The following PLEKHS1 variants were observed in gnomAD, a reference collection of about 807,000 sequenced individuals.
PLEKHS1 encodes the protein pleckstrin homology domain-containing family S member 1.
A neutral mutation model predicts 51.0 loss-of-function variants in PLEKHS1; 55 were observed. That is an observed-to-expected ratio of 1.08 (90% CI 0.87 to 1.35). The LOEUF (loss-of-function observed/expected upper bound fraction) is 1.35. Ranked by LOEUF, PLEKHS1 falls within the 40% of genes most tolerant of loss-of-function variation. The pLI, the probability that PLEKHS1 is intolerant of heterozygous loss-of-function variation, is 0.00. For missense variants in PLEKHS1, 398 were observed against 423.0 expected (o/e 0.94, Z 0.52); for synonymous variants, 153 against 144.8 (o/e 1.06, Z -0.41).
chr10:113,763,172 C>A (rs1844019566), intron 2 of PLEKHS1, among the ~76,000 whole-genome samples: 1 of 152,064 alleles, frequency 6.6e-6, no homozygotes, highest in African/African-American at 2.4e-5. Flanking sequence ...AGGATTAATT[C>A]ATCCCTTTAT....
At chr10:113,756,919 T>TA (rs1194183125) in intron 2 of PLEKHS1, among the ~76,000 whole-genome samples, 2 of 146,850 alleles carry the variant, frequency 1.4e-5, no homozygotes, top group Non-Finnish European at 3.0e-5. Flanking sequence ...TGGTCTTTTT[T>TA]TTTTTTTTTT....
chr10:113,783,242 A>AAC (rs1844905243), downstream of PLEKHS1: 1 of 130,458 alleles, frequency 7.7e-6, no homozygotes, highest in African/African-American at 2.8e-5. Context: ...CTCAAAAAAA[A>AAC]AAAAAAAATC....
chr10:113,770,683 C>T (rs2134542419), intron 7 of PLEKHS1, among the ~76,000 whole-genome samples: 1 of 152,280 alleles, frequency 6.6e-6, no homozygotes, highest in East Asian at 1.9e-4. Context: ...CCAAACACCT[C>T]ACCTCAGTTC....
intron 6 of PLEKHS1, among the ~76,000 whole-genome samples, chr10:113,769,256 T>C (rs528403529): frequency 1.3e-5 from 2 of 152,266 alleles, no homozygotes; most frequent in African/African-American, 4.8e-5. Flanking sequence ...ATGTTTTACA[T>C]GTATCTTGCA....
chr10:113,767,769 T>G (rs931950629), intron 5 of PLEKHS1, among the ~76,000 whole-genome samples: 2 of 152,134 alleles, frequency 1.3e-5, no homozygotes, highest in African/African-American at 4.8e-5. Context: ...AGAGCCATGC[T>G]CTCTCTGAAG....
At chr10:113,777,156 G>T (rs770864633) in intron 11 of PLEKHS1, 2 of 1,612,676 alleles carry the variant, frequency 1.2e-6, no homozygotes, top group African/African-American at 2.7e-5. Context: ...CCACGTTTGG[G>T]ATGCATATTT....
Position 113,780,871 on chromosome 10 carries a change from G to T in PLEKHS1, c.*269G>T, listed in dbSNP as rs368264846. ...TGCTGCCATGTGATAGGAGACAGTC[G>T]GCACCCCCCTCTGAATTTCTGCATC... On this transcript the variant is annotated 3_prime_UTR_variant, in exon 12 of 12. Coordinates refer to ENST00000361048, the Ensembl canonical transcript of PLEKHS1. 47 of 1,205,506 alleles carry T rather than the reference G, an allele frequency of 3.9e-5. No individual in the cohort carries two copies. The East Asian group carries it at 1.1e-3, about 29-fold the overall frequency. The allele number at this position is 1,205,506 out of a possible 1,614,324, so 74.7% of individuals were successfully genotyped here.
At position 113,767,295 on chromosome 10, in the gene PLEKHS1, T is replaced by A. The variant is rs200805404; in HGVS notation, c.225-50T>A. 35 of 1,367,048 alleles carry A rather than the reference T, an allele frequency of 2.6e-5. No homozygotes were observed. In the African/African-American group the frequency reaches 4.9e-4, roughly 19 times the overall value. 84.7% of individuals were successfully genotyped at this position (1,367,048 alleles called of 1,614,324 possible). ...GAATCCCAATATAAAATATTAGTTTTCTATTTCTGTATTTACCTTGGTTTA... is the reference window on the plus strand; with the variant it reads ...GAATCCCAATATAAAATATTAGTTTACTATTTCTGTATTTACCTTGGTTTA... On this transcript the variant is annotated intron_variant, in intron 4 of 11. Transcript: ENST00000361048.
intron 11 of PLEKHS1, among the ~76,000 whole-genome samples, chr10:113,778,569 G>A (rs1844766911): frequency 1.3e-5 from 2 of 151,828 alleles, no homozygotes; most frequent in Admixed American, 1.3e-4. Context: ...AGTAATTCCA[G>A]TGAGGATAAG....
chr10:113,769,000 G>T, intron 6 of PLEKHS1, 110 bp downstream of exon 6: 2 of 662,154 alleles, frequency 3.0e-6, no homozygotes, highest in South Asian at 5.8e-5. Flanking sequence ...TTAATACAAG[G>T]AATAAATAAA....
At chr10:113,754,605 T>C (rs965636916) in intron 1 of PLEKHS1, among the ~76,000 whole-genome samples, 4 of 152,128 alleles carry the variant, frequency 2.6e-5, no homozygotes, top group African/African-American at 9.7e-5. Flanking sequence ...CCTGAGGGAT[T>C]ACAGGCGAGC....
chr10:113,780,187 G>A (rs575894948), intron 11 of PLEKHS1, among the ~76,000 whole-genome samples: 1 of 152,188 alleles, frequency 6.6e-6, no homozygotes, highest in Non-Finnish European at 1.5e-5. Context: ...AAGGGGAGAA[G>A]GTGTGTGCAG....
intron 7 of PLEKHS1, 136 bp from the exon 8 acceptor site, chr10:113,771,834 G>C: frequency 9.8e-7 from 1 of 1,018,480 alleles, no homozygotes; most frequent in Non-Finnish European, 1.4e-6. Context: ...AGTTGTGTGA[G>C]CTTCTGGATG....
exon 8 of PLEKHS1, chr10:113,772,040 A>C: frequency 3.1e-6 from 5 of 1,613,958 alleles, no homozygotes; most frequent in Non-Finnish European, 4.2e-6. Flanking sequence ...GCCACTCAAG[A>C]TGTGAAGGAA....
intron 2 of PLEKHS1, among the ~76,000 whole-genome samples, chr10:113,765,619 G>A (rs1279837520): frequency 6.6e-6 from 1 of 152,180 alleles, no homozygotes; most frequent in African/African-American, 2.4e-5. Flanking sequence ...TTCTCTATAA[G>A]TGATGAAATT....
chr10:113,767,594 T>C, intron 5 of PLEKHS1, 115 bp downstream of exon 5: 1 of 1,020,374 alleles, frequency 9.8e-7, no homozygotes, highest in South Asian at 2.9e-5. Flanking sequence ...AAACCTCAAA[T>C]GCCATCTTGG....
At chr10:113,777,147 C>G (rs17853596) in intron 11 of PLEKHS1, 1 of 1,612,726 alleles carries the variant, frequency 6.2e-7, no homozygotes, top group Non-Finnish European at 8.5e-7. Flanking sequence ...GAAGGCCCCC[C>G]ACGTTTGGGA....
At chr10:113,771,654 G>T (rs1174389011) in intron 7 of PLEKHS1, among the ~76,000 whole-genome samples, 3 of 130,590 alleles carry the variant, frequency 2.3e-5, no homozygotes, top group Non-Finnish European at 3.1e-5. Context: ...CAGCCTGGGG[G>T]ACAGAGTGAG....
intron 11 of PLEKHS1, chr10:113,777,158 T>C (rs780609721): frequency 6.2e-7 from 1 of 1,612,820 alleles, no homozygotes; most frequent in Non-Finnish European, 8.5e-7. Flanking sequence ...ACGTTTGGGA[T>C]GCATATTTTG....
Sources: allele counts gnomAD v4.1 joint callset (sites outside exome capture counted in the v4.1 genomes callset), GRCh38; gene constraint gnomAD v4.1.1; transcripts MANE v1.5; gene names NCBI Gene and HGNC (gene_info 2026-07-23, HGNC 2026-07-21).